BBS5: variants seen among roughly 807,000 people sequenced by gnomAD.
The protein encoded by BBS5 is Bardet-Biedl syndrome 5.
BBS5 carries 39 observed loss-of-function variants against 50.2 expected under a neutral mutation model. That is an observed-to-expected ratio of 0.78 (90% CI 0.60 to 1.01). The LOEUF (loss-of-function observed/expected upper bound fraction) is 1.01, where lower values mean the gene tolerates loss of function less well. Among genes scored for constraint, BBS5 ranks in the 50% least tolerant of loss-of-function variants. BBS5 has a pLI of 0.00. For synonymous variants in BBS5, 134 were observed against 133.1 expected (o/e 1.01, Z -0.05); for missense variants, 356 against 401.5 (o/e 0.89, Z 0.97).
Position 169,493,007 on chromosome 2 carries a change from C to A in BBS5, c.520C>A (p.Gln174Lys). The A allele has an allele frequency of 6.2e-7, 1 of 1,613,472 alleles. No individual in the cohort carries two copies. Among genetic ancestry groups the A allele is most frequent in the South Asian group, 1.1e-5 (1 of 91,026 alleles). ...TGGAGTTTGGAATTTATCCAGTGAT[C>A]AGGTATTGTGCAAAGAGCTAGTGAA... ...INGVWNLSSD[Q>K]GNLGTFFITN... The change falls in exon 6 of 12, where the codon CAG becomes AAG. Residue 174 changes from glutamine (Q) to lysine (K), a missense_variant and splice_region_variant. Physicochemically the swap from Gln to Lys is moderately conservative, Grantham distance 53. Transcript: ENST00000295240.
chr2:169,506,453 A>G lies in BBS5; in HGVS notation c.*1871A>G, dbSNP rs1490972996. The G allele has an allele frequency of 6.3e-6, 1 of 157,646 alleles. No individual in the cohort carries two copies. Among genetic ancestry groups the G allele is most frequent in the African/African-American group, 2.4e-5 (1 of 41,502 alleles). 9.8% of individuals were successfully genotyped at this position (157,646 alleles called of 1,614,324 possible). A position where few individuals can be genotyped will look rare whatever the true frequency, so the allele number is the denominator to read the frequency against. On this transcript the variant is annotated 3_prime_UTR_variant, in exon 12 of 12. Transcript: ENST00000295240. Reference sequence around the variant, plus strand: ...TGGGAGACTTTTCATTTTGTTCTGTACTAAGAAAAATTCTTACCCTAAAAC... The same window carrying G: ...TGGGAGACTTTTCATTTTGTTCTGTGCTAAGAAAAATTCTTACCCTAAAAC...
intron 2 of BBS5, among the ~76,000 whole-genome samples, chr2:169,483,626 C>A (rs773625930): frequency 6.6e-6 from 1 of 151,972 alleles, no homozygotes; most frequent in Admixed American, 6.6e-5. Flanking sequence ...GTTGAAGACA[C>A]CAGAGGAAAT....
At position 169,506,582 on chromosome 2, in the gene BBS5, C is replaced by A. The variant is rs1281961485; in HGVS notation, c.*2000C>A. On this transcript the variant is annotated 3_prime_UTR_variant, in exon 12 of 12. Transcript: ENST00000295240. Reference sequence around the variant, plus strand: ...ATAAATGTTTATTTTGTACTTAATACCTGTAAAGTCTTAGTTTTCAGACAT... The same window carrying A: ...ATAAATGTTTATTTTGTACTTAATAACTGTAAAGTCTTAGTTTTCAGACAT... 1 of 151,910 alleles carries A rather than the reference C, an allele frequency of 6.6e-6. No individual in the cohort carries two copies. The highest frequency in any genetic ancestry group is 1.5e-5 in the Non-Finnish European group (1 of 68,118). The allele number at this position is 151,910 out of a possible 1,614,324, so 9.4% of individuals were successfully genotyped here.
intron 8 of BBS5, 24 bp from the exon 9 acceptor site, chr2:169,499,457 GTTTTT>G (rs369633086): frequency 2.6e-6 from 4 of 1,567,580 alleles, no homozygotes; most frequent in Non-Finnish European, 3.5e-6. Context: ...GACTTGTTGG[GTTTTT>G]TTTTATTATT....
At chr2:169,482,737 G>A (rs1683419415) in intron 2 of BBS5, 1 of 236,796 alleles carries the variant, frequency 4.2e-6, no homozygotes, top group Non-Finnish European at 8.3e-6. Context: ...ATCACCTATG[G>A]TTGTCACCTA....
At chr2:169,503,636 T>A (rs1400204289) in intron 10 of BBS5, among the ~76,000 whole-genome samples, 1 of 152,248 alleles carries the variant, frequency 6.6e-6, no homozygotes. Context: ...TTAAAATCTA[T>A]ACTTAATTTT....
At chr2:169,493,355 T>TTCTC (rs141772732) in intron 6 of BBS5, among the ~76,000 whole-genome samples, 7,128 of 152,284 alleles carry the variant, frequency 0.047, 188 homozygotes, top group East Asian at 0.1. Flanking sequence ...TATGTTTTGT[T>TTCTC]TCTCTTACTA....
At chr2:169,484,665 G>C (rs1443591948) in intron 2 of BBS5, among the ~76,000 whole-genome samples, 1 of 152,162 alleles carries the variant, frequency 6.6e-6, no homozygotes, top group Non-Finnish European at 1.5e-5. Context: ...GAAATTATCA[G>C]ATTAACTTTG....
chr2:169,487,742 A>T, intron 3 of BBS5, 64 bp from the exon 4 acceptor site: 1 of 1,216,672 alleles, frequency 8.2e-7, no homozygotes, highest in Admixed American at 1.9e-5. Flanking sequence ...CTTTTTTTTT[A>T]GAAAAGTATT....
Position 169,497,678 on chromosome 2 carries a change from A to C in BBS5, c.670A>C (p.Ser224Arg), listed in dbSNP as rs760706516. 3.8e-6 allele frequency: 6 copies of C among 1,588,336 alleles called. No homozygotes were observed. In the Admixed American group the frequency reaches 6.7e-5, roughly 18 times the overall value. The change falls in exon 8 of 12, where the codon AGC (serine) becomes CGC (arginine). Residue 224 changes from serine to arginine, a missense_variant. Physicochemically the swap from Ser to Arg is moderately radical, Grantham distance 110 (BLOSUM62 -1). Transcript: ENST00000295240. The part of the protein sequence containing the change: ...SKFGLALVIE[S>R]SQQSGGYVLG... ...ATTTGGTTTAGCTCTTGTCATAGAA[A>C]GCTCTCAGCAGGTAAGATCTTGTAT...
intron 1 of BBS5, among the ~76,000 whole-genome samples, chr2:169,480,548 A>G (rs1683370143): frequency 6.6e-6 from 1 of 152,166 alleles, no homozygotes; most frequent in Admixed American, 6.5e-5. Flanking sequence ...TCTCAGGTTA[A>G]GTATAGCTAG....
In BBS5 at chr2:169,506,325, G is replaced by T. The variant is rs1032218746; in HGVS notation, c.*1743G>T. ...GTACCCAACAGCTCATTGAGAGCGG[G>T]CGATGATGACAGTGGCGGCTTTGTG... On this transcript the variant is annotated 3_prime_UTR_variant, in exon 12 of 12. Coordinates refer to ENST00000295240, the MANE Select transcript of BBS5 (RefSeq NM_152384.3). The T allele has an allele frequency of 5.0e-5, 9 of 180,424 alleles. No individual in the cohort carries two copies. The highest frequency in any genetic ancestry group is 6.7e-5 in the Non-Finnish European group (6 of 89,308). 11.2% of individuals were successfully genotyped at this position (180,424 alleles called of 1,614,324 possible).
intron 5 of BBS5, among the ~76,000 whole-genome samples, chr2:169,492,410 A>C (rs993683268): frequency 1.3e-5 from 2 of 151,916 alleles, no homozygotes; most frequent in African/African-American, 2.4e-5. Flanking sequence ...GAATCACTTG[A>C]ACCTGGGAGG....
intron 1 of BBS5, among the ~76,000 whole-genome samples, chr2:169,481,846 C>G (rs1683403834): frequency 6.6e-6 from 1 of 152,180 alleles, no homozygotes; most frequent in African/African-American, 2.4e-5. Context: ...GACTGGCATT[C>G]TGAGTTCTCC....
At position 169,504,807 on chromosome 2, in the gene BBS5, CG is replaced by C. The variant is rs1026119026; in HGVS notation, c.*227del. The C allele has an allele frequency of 1.8e-4, 276 of 1,561,060 alleles. No individual in the cohort carries two copies. Among genetic ancestry groups the C allele is most frequent in the Non-Finnish European group, 2.0e-4 (232 of 1,150,450 alleles). Reference sequence around the variant, plus strand: ...ACATGGCCTAGTAACCGTCCGGCCGCGGCGCTGGCTTAAGCCATGGCTGAGG... The same window carrying C: ...ACATGGCCTAGTAACCGTCCGGCCGCGCGCTGGCTTAAGCCATGGCTGAGG... On this transcript the variant is annotated 3_prime_UTR_variant, in exon 12 of 12. Coordinates refer to ENST00000295240, the MANE Select transcript of BBS5 (RefSeq NM_152384.3).
At chr2:169,502,919 A>G (rs1382402521) in intron 9 of BBS5, among the ~76,000 whole-genome samples, 176 bp from the exon 10 acceptor site, 1 of 152,190 alleles carries the variant, frequency 6.6e-6, no homozygotes, top group Non-Finnish European at 1.5e-5. Context: ...CAGATATGAA[A>G]GTTTAGGTTT....
At position 169,505,675 on chromosome 2, in the gene BBS5, C is replaced by G. The variant is rs189676753; in HGVS notation, c.*1093C>G. The stretch of plus-strand genomic sequence containing the variant: ...CCGTCTGAGAAGTGAGGAGACCCTC[C>G]GCCTGGCAACCGCCCCGTCTGATAA... On this transcript the variant is annotated 3_prime_UTR_variant, in exon 12 of 12. Coordinates refer to ENST00000295240, the MANE Select transcript of BBS5 (RefSeq NM_152384.3). 4.5e-6 allele frequency: 1 copy of G among 222,580 alleles called. No homozygotes were observed. Among genetic ancestry groups the G allele is most frequent in the Admixed American group, 5.5e-5 (1 of 18,022 alleles). The allele number at this position is 222,580 out of a possible 1,614,324, so 13.8% of individuals were successfully genotyped here.
At chr2:169,489,083 C>T (rs1191265675) in intron 5 of BBS5, among the ~76,000 whole-genome samples, 1 of 152,056 alleles carries the variant, frequency 6.6e-6, no homozygotes, top group Non-Finnish European at 1.5e-5. Context: ...CCTCAAACTC[C>T]TGAGCTCAAA....
chr2:169,479,978 C>T (rs1683360655), intron 1 of BBS5, among the ~76,000 whole-genome samples: 1 of 152,180 alleles, frequency 6.6e-6, no homozygotes, highest in African/African-American at 2.4e-5. Context: ...ATGGAAGGAA[C>T]GTAGGTCAGG....
Sources: gnomAD v4.1 joint callset for allele counts (sites outside exome capture counted in the v4.1 genomes callset) on GRCh38, gnomAD v4.1.1 for gene constraint, MANE v1.5 for transcripts, NCBI Gene and HGNC (gene_info 2026-07-23, HGNC 2026-07-21) for gene names.